Variants in VRK1 observed in about 807,000 individuals in gnomAD.
The protein encoded by VRK1 is serine/threonine-protein kinase VRK1.
VRK1 carries 33 observed loss-of-function variants against 57.1 expected under a neutral mutation model. The observed-to-expected ratio is 0.58, with a 90% CI of 0.44 to 0.77. VRK1 has a LOEUF of 0.77. VRK1 is among the 30% of genes least tolerant of loss of function. The pLI, the probability that VRK1 is intolerant of heterozygous loss-of-function variation, is 0.00. For missense variants in VRK1, 413 were observed against 477.3 expected (o/e 0.87, Z 1.25); for synonymous variants, 137 against 147.8 (o/e 0.93, Z 0.53).
In VRK1 at chr14:96,847,336, T is replaced by A; in HGVS notation, c.366T>A (p.Asn122Lys). ...GGGGGTCTGGTCTACATGACAAAAA[T>A]GGAAAAAGGTAAAAATATGTGTGAT... ...KYWGSGLHDKNGKSYRFMIMD... is the reference protein window; with the variant it reads ...KYWGSGLHDKKGKSYRFMIMD... The change falls in exon 5 of 13, where the codon AAT becomes AAA. Residue 122 changes from asparagine to lysine, a missense_variant. This residue lies in a region of VRK1 where 151 missense variants were observed against 225.5 expected (regional missense o/e 0.67). Transcript: ENST00000216639. The A allele has an allele frequency of 1.9e-6, 3 of 1,613,150 alleles. No individual in the cohort carries two copies. The highest frequency in any genetic ancestry group is 2.5e-6 in the Non-Finnish European group (3 of 1,179,200).
At chr14:96,802,356 A>T (rs1268068370) in intron 1 of VRK1, among the ~76,000 whole-genome samples, 1 of 152,194 alleles carries the variant, frequency 6.6e-6, no homozygotes, top group Non-Finnish European at 1.5e-5. Flanking sequence ...GAAACAACTC[A>T]CATGTCCTTC....
At chr14:96,833,677 T>TTTTC (rs1283151776) in intron 2 of VRK1, 46 bp downstream of exon 2, 6 of 1,611,928 alleles carry the variant, frequency 3.7e-6, no homozygotes, top group Non-Finnish European at 5.1e-6. Flanking sequence ...GATTTATATG[T>TTTTC]TTTCTTATGA....
intron 11 of VRK1, among the ~76,000 whole-genome samples, chr14:96,866,576 TTCCCAGCCA>T (rs1286054268): frequency 1.1e-4 from 16 of 152,302 alleles, no homozygotes; most frequent in African/African-American, 3.6e-4. Context: ...TCCAGGTTTC[TTCCCAGCCA>T]GGGAAGAAAC....
chr14:96,876,548 A>T (rs1446312379), intron 12 of VRK1, among the ~76,000 whole-genome samples: 1 of 152,158 alleles, frequency 6.6e-6, no homozygotes, highest in African/African-American at 2.4e-5. Context: ...AGGGTTAGTG[A>T]TAGAGACCAG....
chr14:96,835,194 A>T (rs1401265817), intron 2 of VRK1, among the ~76,000 whole-genome samples: 3 of 152,208 alleles, frequency 2.0e-5, no homozygotes. Flanking sequence ...TCTATGATAC[A>T]CTGAAACAGC....
intron 8 of VRK1, among the ~76,000 whole-genome samples, chr14:96,855,639 T>C (rs1464718031): frequency 3.3e-5 from 5 of 152,160 alleles, no homozygotes; most frequent in African/African-American, 1.2e-4. Context: ...TTTAGTTTAA[T>C]TGGAATGTTT....
chr14:96,850,831 T>C (rs1595673208), intron 5 of VRK1, among the ~76,000 whole-genome samples: 1 of 152,182 alleles, frequency 6.6e-6, no homozygotes, highest in East Asian at 1.9e-4. Context: ...AATCTGAAAA[T>C]GGGAAATCCA....
chr14:96,873,280 T>C (rs1307002499), intron 11 of VRK1, among the ~76,000 whole-genome samples: 2 of 152,176 alleles, frequency 1.3e-5, no homozygotes, highest in African/African-American at 4.8e-5. Context: ...CCAATCGGTG[T>C]TTAGACTATT....
chr14:96,858,411 A>C (rs1354795833), intron 10 of VRK1, among the ~76,000 whole-genome samples: 2 of 152,116 alleles, frequency 1.3e-5, no homozygotes, highest in South Asian at 2.1e-4. Flanking sequence ...TGTATGTTTA[A>C]CAGTAGTTTC....
intron 11 of VRK1, among the ~76,000 whole-genome samples, chr14:96,863,147 A>G (rs943772558): frequency 1.3e-5 from 2 of 152,242 alleles, no homozygotes; most frequent in Admixed American, 6.5e-5. Context: ...TATTTAAAGC[A>G]TAGAATTTTG....
intron 10 of VRK1, 36 bp downstream of exon 10, chr14:96,856,622 T>G: frequency 6.4e-7 from 1 of 1,574,708 alleles, no homozygotes; most frequent in Non-Finnish European, 8.7e-7. Flanking sequence ...ATAGGGATTT[T>G]GTTTTCTGGG....
intron 1 of VRK1, among the ~76,000 whole-genome samples, chr14:96,818,965 A>G (rs565583200): frequency 8.5e-5 from 13 of 152,326 alleles, no homozygotes; most frequent in African/African-American, 3.1e-4. Context: ...CACTAATCAA[A>G]TGCATTAATC....
intron 1 of VRK1, among the ~76,000 whole-genome samples, chr14:96,824,404 A>G (rs1886720050): frequency 6.6e-6 from 1 of 152,190 alleles, no homozygotes; most frequent in Non-Finnish European, 1.5e-5. Context: ...AGAAAGAATG[A>G]GCAGTGTTGA....
chr14:96,848,602 A>AT (rs1253214725), intron 5 of VRK1, among the ~76,000 whole-genome samples: 1 of 152,188 alleles, frequency 6.6e-6, no homozygotes, highest in Non-Finnish European at 1.5e-5. Context: ...GGATAGCAAA[A>AT]TATATTATAG....
chr14:96,798,857 A>T (rs1179998769), intron 1 of VRK1, among the ~76,000 whole-genome samples: 1 of 152,218 alleles, frequency 6.6e-6, no homozygotes, highest in African/African-American at 2.4e-5. Flanking sequence ...GATTATGTTC[A>T]TCTGTTACCT....
intron 1 of VRK1, among the ~76,000 whole-genome samples, chr14:96,815,312 T>G (rs924294697): frequency 6.6e-6 from 1 of 152,202 alleles, no homozygotes; most frequent in Non-Finnish European, 1.5e-5. Flanking sequence ...GTGTATAATA[T>G]TCTATCTCTC....
chr14:96,858,181 T>A (rs376309886), intron 10 of VRK1, among the ~76,000 whole-genome samples: 1 of 152,114 alleles, frequency 6.6e-6, no homozygotes, highest in Non-Finnish European at 1.5e-5. Context: ...AGCCTTGACC[T>A]CCTGAGCTCA....
At chr14:96,819,760 T>C (rs1367485744) in intron 1 of VRK1, among the ~76,000 whole-genome samples, 1 of 152,332 alleles carries the variant, frequency 6.6e-6, no homozygotes, top group Non-Finnish European at 1.5e-5. Context: ...TTTGTTGATA[T>C]GCTTGAAAAA....
At chr14:96,859,475 A>G (rs1888295158) in intron 10 of VRK1, among the ~76,000 whole-genome samples, 2 of 152,182 alleles carry the variant, frequency 1.3e-5, no homozygotes, top group Non-Finnish European at 2.9e-5. Flanking sequence ...TCAATGTTTT[A>G]TCATACATGG....
Sources: gnomAD v4.1 joint callset for allele counts (sites outside exome capture counted in the v4.1 genomes callset) on GRCh38, gnomAD v4.1.1 for gene constraint, gnomAD v4.1.1 regional missense constraint, MANE v1.5 for transcripts, NCBI Gene and HGNC (gene_info 2026-07-23, HGNC 2026-07-21) for gene names.